Variants in TUBD1 observed in about 807,000 individuals in gnomAD.
TUBD1 encodes the protein tubulin delta chain.
In TUBD1, 38 loss-of-function variants were observed where a neutral mutation model predicts 51.2. The observed-to-expected ratio is 0.74, with a 90% CI of 0.57 to 0.97. The LOEUF is 0.97. Among genes scored for constraint, TUBD1 ranks in the 50% least tolerant of loss-of-function variants. The pLI, the probability that TUBD1 is intolerant of heterozygous loss-of-function variation, is 0.00. For synonymous variants in TUBD1, 169 were observed against 178.2 expected, an observed-to-expected ratio of 0.95 and a Z score of 0.41; for missense variants, 489 against 538.4, an observed-to-expected ratio of 0.91 and a Z score of 0.91.
intron 5 of TUBD1, among the ~76,000 whole-genome samples, chr17:59,876,504 G>A (rs2040233495): frequency 6.6e-6 from 1 of 151,782 alleles, no homozygotes; most frequent in Admixed American, 6.6e-5. Context: ...ACAGGCATGT[G>A]CCACCATGCC....
chr17:59,863,125 T>C (rs2039537878), intron 8 of TUBD1, among the ~76,000 whole-genome samples: 1 of 152,164 alleles, frequency 6.6e-6, no homozygotes, highest in Non-Finnish European at 1.5e-5. Context: ...CCAGGCACTG[T>C]ACTAGCTGTT....
In TUBD1 at chr17:59,868,642, T is replaced by C. The variant is rs1057077054; in HGVS notation, c.935-1893A>G. ...TCACGAGTTCAAGAGATCGAGACCA[T>C]ACTGGCCAACATGGTGAAACCCCAT... On this transcript the variant is annotated intron_variant, in intron 6 of 8. Transcript: ENST00000325752. 7.2e-5 allele frequency among the ~76,000 whole-genome samples: 11 copies of C among 152,030 alleles called. 1 individual carries two copies. The highest frequency in any genetic ancestry group is 6.6e-4 in the Admixed American group (10 of 15,230).
intron 2 of TUBD1, among the ~76,000 whole-genome samples, chr17:59,888,452 G>A (rs940195853): frequency 6.6e-6 from 1 of 152,214 alleles, no homozygotes; most frequent in Non-Finnish European, 1.5e-5. Context: ...TGCAGCAAGA[G>A]CACAAGGAAC....
intron 4 of TUBD1, 126 bp from the exon 5 acceptor site, chr17:59,878,460 C>A: frequency 2.0e-5 from 12 of 599,350 alleles, no homozygotes; most frequent in Admixed American, 9.2e-5. Context: ...TGACCTTGGA[C>A]AAGTTTTTTA....
At position 59,860,699 on chromosome 17, in the gene TUBD1, A is replaced by T. The variant is rs897914005; in HGVS notation, c.1260-275T>A. ...CCTCCCAGGTTCAAGCGATTCGACT[A>T]CCTCAGCCTCCCGAGTAGCTGGGAT... is the stretch of plus-strand genomic sequence containing the variant. On this transcript the variant is annotated intron_variant, in intron 8 of 8. Transcript: ENST00000325752. 2.0e-5 allele frequency among the ~76,000 whole-genome samples: 3 copies of T among 150,838 alleles called. No homozygotes were observed. In the Admixed American group the frequency reaches 2.0e-4, roughly 10 times the overall value.
At chr17:59,890,410 A>AT (rs1568335608) in intron 2 of TUBD1, among the ~76,000 whole-genome samples, 1 of 151,576 alleles carries the variant, frequency 6.6e-6, no homozygotes, top group Non-Finnish European at 1.5e-5. Context: ...CGCCCAGCTA[A>AT]TTTTTGTATT....
At chr17:59,885,222 A>G (rs1289087649) in intron 3 of TUBD1, 1 of 477,876 alleles carries the variant, frequency 2.1e-6, no homozygotes, top group African/African-American at 2.0e-5. Flanking sequence ...GGATGATGAC[A>G]TGGGGTATGG....
intron 2 of TUBD1, among the ~76,000 whole-genome samples, chr17:59,888,502 GTTCAT>G (rs1254435914): frequency 6.6e-6 from 1 of 152,172 alleles, no homozygotes; most frequent in Non-Finnish European, 1.5e-5. Flanking sequence ...TGAGTTTCAG[GTTCAT>G]ATGAGAGATG....
intron 3 of TUBD1, among the ~76,000 whole-genome samples, chr17:59,883,088 C>T (rs1376006742): frequency 4.6e-5 from 7 of 150,844 alleles, no homozygotes; most frequent in African/African-American, 1.2e-4. Flanking sequence ...CCCAGCCGCC[C>T]GGCTAATTTC....
At position 59,892,777 on chromosome 17, in the gene TUBD1, G is replaced by GA. The variant is rs1457215833; in HGVS notation, c.-121dup. On this transcript the variant is annotated 5_prime_UTR_variant, in exon 1 of 9. An upstream open reading frame in the 5' UTR loses its in-frame stop. Transcript: ENST00000325752. The stretch of plus-strand genomic sequence containing the variant: ...CCATGCGCATGCTCACTTTCAAAAC[G>GA]AAAAACTTACTGAGAACAAATGCGC... 7.1e-5 allele frequency: 12 copies of GA among 168,592 alleles called. No individual in the cohort carries two copies. Among genetic ancestry groups the GA allele is most frequent in the East Asian group, 6.3e-4 (4 of 6,308 alleles). 10.4% of individuals were successfully genotyped at this position (168,592 alleles called of 1,614,324 possible).
At position 59,878,227 on chromosome 17, in the gene TUBD1, T is replaced by C. The variant is rs2040313964; in HGVS notation, c.645A>G (p.Lys215=). 2 of 1,613,964 alleles carry C rather than the reference T, an allele frequency of 1.2e-6. No homozygotes were observed. The highest frequency in any genetic ancestry group is 1.7e-5 in the Admixed American group (1 of 59,962). The change falls in exon 5 of 9, where the codon AAA becomes AAG. Residue 215 remains lysine, a synonymous_variant. Transcript: ENST00000325752. ...ENDAIHKICA[K]LMNIKQISFS... ...AGGAGATCTGCTTGATATTCATCAG[T>C]TTTGCACAGATCTTATGGATGGCAT...
At chr17:59,869,269 T>A (rs936058728) in intron 6 of TUBD1, among the ~76,000 whole-genome samples, 4 of 147,764 alleles carry the variant, frequency 2.7e-5, no homozygotes, top group Admixed American at 6.7e-5. Context: ...AGGTCAGGAG[T>A]TCAAGACCAG....
At chr17:59,880,256 A>G (rs527806731) in intron 4 of TUBD1, among the ~76,000 whole-genome samples, 28 of 149,700 alleles carry the variant, frequency 1.9e-4, no homozygotes, top group African/African-American at 6.9e-4. Flanking sequence ...ACGGGGTTTC[A>G]CCATGTTGGC....
At chr17:59,877,501 G>A (rs1488792455) in intron 5 of TUBD1, among the ~76,000 whole-genome samples, 1 of 152,206 alleles carries the variant, frequency 6.6e-6, no homozygotes, top group African/African-American at 2.4e-5. Flanking sequence ...AAAGGCTAGG[G>A]CCGGGTGCGG....
At chr17:59,882,430 G>A (rs1266274919) in intron 3 of TUBD1, among the ~76,000 whole-genome samples, 1 of 151,728 alleles carries the variant, frequency 6.6e-6, no homozygotes, top group Non-Finnish European at 1.5e-5. Context: ...GGGATTAAAG[G>A]TGCGCGCCAC....
At chr17:59,878,394 A>G in intron 4 of TUBD1, 60 bp from the exon 5 acceptor site, 1 of 1,215,388 alleles carries the variant, frequency 8.2e-7, no homozygotes. Context: ...AAGATTACAG[A>G]TTCTCAAGGC....
chr17:59,860,537 C>G lies in TUBD1; in HGVS notation c.1260-113G>C, dbSNP rs1035090205. The stretch of plus-strand genomic sequence containing the variant: ...AGCTGATGAACATTTGAAGATCACA[C>G]AATCGTTCAGAAGTCTTACATTTGC... On this transcript the variant is annotated intron_variant, in intron 8 of 8. Coordinates refer to ENST00000325752, the MANE Select transcript of TUBD1 (RefSeq NM_016261.4). The G allele has an allele frequency of 6.0e-6, 4 of 668,520 alleles. No individual in the cohort carries two copies. In the East Asian group the frequency reaches 1.1e-4, roughly 18 times the overall value. The allele number at this position is 668,520 out of a possible 1,614,324, so 41.4% of individuals were successfully genotyped here. A position where few individuals can be genotyped will look rare whatever the true frequency, so the allele number is the denominator to read the frequency against.
intron 3 of TUBD1, among the ~76,000 whole-genome samples, chr17:59,884,088 C>T (rs1167213571): frequency 6.6e-6 from 1 of 151,582 alleles, no homozygotes; most frequent in Non-Finnish European, 1.5e-5. Flanking sequence ...TAGGGAAATC[C>T]AGTATCTACT....
intron 3 of TUBD1, among the ~76,000 whole-genome samples, chr17:59,883,105 CT>C (rs1053934975): frequency 5.5e-4 from 83 of 150,468 alleles, no homozygotes; most frequent in African/African-American, 1.9e-3. Context: ...TTTCTTTTTT[CT>C]TTTTTTTGAG....
Sources: allele counts gnomAD v4.1 joint callset (sites outside exome capture counted in the v4.1 genomes callset), GRCh38; gene constraint gnomAD v4.1.1; transcripts MANE v1.5; gene names NCBI Gene and HGNC (gene_info 2026-07-23, HGNC 2026-07-21).